Variants in CHN1 observed in about 807,000 individuals in gnomAD.
The protein encoded by CHN1 is N-chimaerin.
A neutral mutation model predicts 59.5 loss-of-function variants in CHN1; 37 were observed. The observed-to-expected ratio is 0.62, with a 90% CI of 0.48 to 0.82. CHN1 has a LOEUF of 0.82. Ranked by LOEUF, CHN1 falls within the 40% of genes least tolerant of loss-of-function variation. The probability of loss-of-function intolerance (pLI) is 0.00; values close to 1 mark genes in which losing one functional copy is unlikely to be tolerated. For synonymous variants in CHN1, 206 were observed against 200.4 expected (o/e 1.03, Z -0.24); for missense variants, 469 against 571.0 (o/e 0.82, Z 1.82).
intron 6 of CHN1, among the ~76,000 whole-genome samples, chr2:174,865,519 T>C (rs1228990363): frequency 1.3e-5 from 2 of 152,150 alleles, no homozygotes; most frequent in African/African-American, 2.4e-5. Context: ...TACCTATCCC[T>C]AAAAGACTGC....
chr2:174,927,847 T>C (rs1181851557), intron 3 of CHN1, among the ~76,000 whole-genome samples: 3 of 152,246 alleles, frequency 2.0e-5, no homozygotes, highest in Non-Finnish European at 2.9e-5. Context: ...TGGAAGTCTA[T>C]ATGATGCTTC....
rs376702681 is a variant in CHN1, at chr2:174,843,345, T to C, written c.627+3535A>G. Among the ~76,000 whole-genome samples the C allele has an allele frequency of 1.2e-4, 19 of 152,262 alleles. No homozygotes were observed. In the East Asian group the frequency reaches 1.7e-3, roughly 14 times the overall value. ...ACCTCTGCCTCCTGGGTTCAAGCGA[T>C]TGTCCTGCCTCAGCCTCCAGAGGAG... On this transcript the variant is annotated intron_variant, in intron 7 of 12. Transcript: ENST00000409900.
intron 1 of CHN1, among the ~76,000 whole-genome samples, chr2:174,963,309 A>T (rs1690478021): frequency 6.6e-6 from 1 of 152,238 alleles, no homozygotes; most frequent in Non-Finnish European, 1.5e-5. Flanking sequence ...TGGCAAGAAT[A>T]GGTCTATAGT....
At chr2:174,874,193 T>G (rs1041297559) in intron 6 of CHN1, among the ~76,000 whole-genome samples, 7 of 152,216 alleles carry the variant, frequency 4.6e-5, no homozygotes, top group Admixed American at 1.3e-4. Flanking sequence ...TGGTCCAGTA[T>G]CTGTTGACAT....
chr2:174,953,230 G>A (rs1189958533), intron 1 of CHN1, among the ~76,000 whole-genome samples: 1 of 151,686 alleles, frequency 6.6e-6, no homozygotes, highest in Non-Finnish European at 1.5e-5. Context: ...AGGTAAAATG[G>A]TCATAGACAT....
At chr2:174,883,993 A>C (rs1250518379) in intron 5 of CHN1, among the ~76,000 whole-genome samples, 3 of 138,792 alleles carry the variant, frequency 2.2e-5, no homozygotes, top group Non-Finnish European at 3.0e-5. Flanking sequence ...TTTTAGACGT[A>C]GTCTCGCTCT....
intron 7 of CHN1, among the ~76,000 whole-genome samples, chr2:174,837,846 TC>T (rs1180546930): frequency 6.6e-6 from 1 of 152,230 alleles, no homozygotes; most frequent in East Asian, 1.9e-4. Context: ...ATATTCCACT[TC>T]CTTTGGTGTA....
chr2:174,878,179 TTC>T (rs1412474878), intron 5 of CHN1, 51 bp from the exon 6 acceptor site: 59 of 1,471,862 alleles, frequency 4.0e-5, no homozygotes, highest in Non-Finnish European at 3.6e-5. Flanking sequence ...AGCAACTGAA[TTC>T]TTTCTGAAAA....
intron 1 of CHN1, among the ~76,000 whole-genome samples, chr2:174,970,610 A>C (rs1690728529): frequency 6.6e-6 from 1 of 152,262 alleles, no homozygotes; most frequent in Non-Finnish European, 1.5e-5. Flanking sequence ...CAAGATTTAC[A>C]TAAATCAATG....
rs528809531 is a variant in CHN1 at position 174,862,816 on chromosome 2, CTTTAGAGAT to C, written c.549+15015_549+15023del. 3.3e-3 allele frequency among the ~76,000 whole-genome samples: 506 copies of C among 152,222 alleles called. 4 individuals carry two copies. The highest frequency in any genetic ancestry group is 0.012 in the South Asian group (58 of 4,820). Reference sequence around the variant, plus strand: ...GATATGAAAGGTATTTCTGGGTTCCCTTTAGAGATGGTTGTCTTGAGGAAAAGTATTCTT... The same window carrying C: ...GATATGAAAGGTATTTCTGGGTTCCCGGTTGTCTTGAGGAAAAGTATTCTT... On this transcript the variant is annotated intron_variant, in intron 6 of 12. Coordinates refer to ENST00000409900, the MANE Select transcript of CHN1 (RefSeq NM_001822.7).
intron 1 of CHN1, among the ~76,000 whole-genome samples, chr2:174,962,467 C>G (rs1690442809): frequency 6.6e-6 from 1 of 152,148 alleles, no homozygotes; most frequent in South Asian, 2.1e-4. Flanking sequence ...CTCAAGCGCT[C>G]ACAACACCTC....
intron 6 of CHN1, among the ~76,000 whole-genome samples, chr2:174,864,064 A>G (rs1247768151): frequency 6.6e-6 from 1 of 152,172 alleles, no homozygotes; most frequent in Non-Finnish European, 1.5e-5. Flanking sequence ...TCTGAGAGAT[A>G]ACATAGAAAA....
At chr2:174,974,898 T>TACACACAC (rs373940330) in intron 1 of CHN1, among the ~76,000 whole-genome samples, 10,232 of 144,108 alleles carry the variant, frequency 0.071, 629 homozygotes, top group African/African-American at 0.17. Context: ...AAATAATTAA[T>TACACACAC]ACACACACAC....
chr2:174,982,067 G>A lies in CHN1; in HGVS notation c.19+22827C>T, dbSNP rs535675475. On this transcript the variant is annotated intron_variant, in intron 1 of 12. Transcript: ENST00000409900. ...CGGTGTTTGGTTTTTTTGTCCTTGC[G>A]ATAGTTTGCTGAGAATGATGGTTTC... Among the ~76,000 whole-genome samples, 18 of 152,162 alleles carry A rather than the reference G, an allele frequency of 1.2e-4. No individual in the cohort carries two copies. In the South Asian group the frequency reaches 2.5e-3, roughly 21 times the overall value.
At chr2:174,804,215 G>A (rs188903886) in intron 11 of CHN1, among the ~76,000 whole-genome samples, 5 of 152,182 alleles carry the variant, frequency 3.3e-5, no homozygotes, top group East Asian at 3.9e-4. Flanking sequence ...GACAGTGCTG[G>A]TGGAGGAGGA....
chr2:174,947,241 A>G (rs1239310494), intron 2 of CHN1, among the ~76,000 whole-genome samples: 1 of 152,190 alleles, frequency 6.6e-6, no homozygotes, highest in Non-Finnish European at 1.5e-5. Flanking sequence ...AAGGGAGACA[A>G]TATTGTCATA....
At chr2:174,830,831 G>A (rs1685856269) in intron 7 of CHN1, among the ~76,000 whole-genome samples, 1 of 152,152 alleles carries the variant, frequency 6.6e-6, no homozygotes, top group Non-Finnish European at 1.5e-5. Context: ...AATTTGCAGG[G>A]TCTTTCTGCG....
chr2:174,856,025 T>C (rs1468229346), intron 6 of CHN1, among the ~76,000 whole-genome samples: 1 of 152,132 alleles, frequency 6.6e-6, no homozygotes, highest in Non-Finnish European at 1.5e-5. Context: ...AGCATTTATA[T>C]TCCAGTGCCG....
In CHN1 at chr2:174,975,526, C is replaced by T. The variant is rs140506457; in HGVS notation, c.20-23324G>A. On this transcript the variant is annotated intron_variant, in intron 1 of 12. Transcript: ENST00000409900. ...ACAAGAACCTTCTTCAATACAACCA[C>T]GAAAACATTATCACACCCAAGAAAT... is the stretch of plus-strand genomic sequence containing the variant. 6.5e-3 allele frequency among the ~76,000 whole-genome samples: 982 copies of T among 152,026 alleles called. 16 individuals are homozygous for T. Among genetic ancestry groups the T allele is most frequent in the African/African-American group, 0.022 (932 of 41,496 alleles).
Sources: gnomAD v4.1 joint callset for allele counts (sites outside exome capture counted in the v4.1 genomes callset) on GRCh38, gnomAD v4.1.1 for gene constraint, MANE v1.5 for transcripts, NCBI Gene and HGNC (gene_info 2026-07-23, HGNC 2026-07-21) for gene names.